CADM2: variants seen among roughly 807,000 people sequenced by gnomAD.
The protein encoded by CADM2 is cell adhesion molecule 2.
CADM2 carries 12 observed loss-of-function variants against 49.8 expected under a neutral mutation model. The ratio of observed to expected loss-of-function variants is 0.24; its 90% CI spans 0.15 to 0.39. The LOEUF is 0.39. Among genes scored for constraint, CADM2 ranks in the 10% least tolerant of loss-of-function variants. The pLI, the probability that CADM2 is intolerant of heterozygous loss-of-function variation, is 1.00. For synonymous variants in CADM2, 214 were observed against 175.4 expected (o/e 1.22, Z -1.74); for missense variants, 378 against 492.3 (o/e 0.77, Z 2.20).
chr3:85,506,041 CAA>C (rs2040337122), intron 1 of CADM2, among the ~76,000 whole-genome samples: 1 of 152,136 alleles, frequency 6.6e-6, no homozygotes, highest in African/African-American at 2.4e-5. Flanking sequence ...AGGCAAAAGA[CAA>C]TTAAAACTTG....
intron 1 of CADM2, among the ~76,000 whole-genome samples, chr3:85,023,049 A>G (rs2034574602): frequency 6.6e-6 from 1 of 152,198 alleles, no homozygotes; most frequent in Non-Finnish European, 1.5e-5. Flanking sequence ...TCAATTGCTC[A>G]GAATAATTTA....
intron 2 of CADM2, among the ~76,000 whole-genome samples, chr3:85,799,476 A>G (rs1302704220): frequency 6.6e-6 from 1 of 152,114 alleles, no homozygotes; most frequent in Non-Finnish European, 1.5e-5. Context: ...TGTTTTTAGC[A>G]TGAAGGGGTG....
intron 1 of CADM2, among the ~76,000 whole-genome samples, chr3:85,319,178 C>G (rs1323745597): frequency 1.3e-5 from 2 of 152,150 alleles, no homozygotes; most frequent in Non-Finnish European, 2.9e-5. Context: ...ATTTATTTAG[C>G]ACCTAATTTT....
chr3:84,970,230 A>G (rs2031324493), intron 1 of CADM2, among the ~76,000 whole-genome samples: 1 of 150,970 alleles, frequency 6.6e-6, no homozygotes, highest in Non-Finnish European at 1.5e-5. Context: ...TTAGTTATTT[A>G]TACTTATGCA....
chr3:85,138,179 A>T (rs370578475), intron 1 of CADM2, among the ~76,000 whole-genome samples: 1 of 152,072 alleles, frequency 6.6e-6, no homozygotes, highest in South Asian at 2.1e-4. Context: ...CCTTTGTTGC[A>T]TTCTTTCCCC....
chr3:85,241,153 G>A (rs1016290702), intron 1 of CADM2, among the ~76,000 whole-genome samples: 4 of 151,378 alleles, frequency 2.6e-5, no homozygotes, highest in Non-Finnish European at 5.9e-5. Flanking sequence ...ACCTACTCCC[G>A]AGATTGACAG....
intron 1 of CADM2, among the ~76,000 whole-genome samples, chr3:85,222,531 A>G (rs758748425): frequency 6.6e-6 from 1 of 152,102 alleles, no homozygotes; most frequent in East Asian, 1.9e-4. Context: ...GTCTCCTTCT[A>G]TTGGCTTTCA....
intron 1 of CADM2, among the ~76,000 whole-genome samples, chr3:85,355,293 C>T (rs1353595752): frequency 6.6e-6 from 1 of 152,058 alleles, no homozygotes; most frequent in Admixed American, 6.6e-5. Flanking sequence ...CTTCTCCTTA[C>T]TCCTTCGGAA....
intron 1 of CADM2, among the ~76,000 whole-genome samples, chr3:85,163,359 T>C (rs1193859294): frequency 6.6e-6 from 1 of 152,026 alleles, no homozygotes; most frequent in East Asian, 1.9e-4. Context: ...GGGCAGGCGA[T>C]AAAAAGCTTC....
chr3:85,447,012 A>C, intron 1 of CADM2, among the ~76,000 whole-genome samples: 1 of 141,362 alleles, frequency 7.1e-6, no homozygotes, highest in Non-Finnish European at 1.5e-5. Context: ...ATATATATAT[A>C]TATATATATA....
At chr3:85,990,100 A>C (rs1577880073) in intron 8 of CADM2, among the ~76,000 whole-genome samples, 1 of 150,692 alleles carries the variant, frequency 6.6e-6, no homozygotes, top group Admixed American at 6.7e-5. Context: ...AAAAACACTT[A>C]ACAATTCACT....
intron 1 of CADM2, among the ~76,000 whole-genome samples, chr3:85,417,722 A>G (rs1173904867): frequency 6.6e-6 from 1 of 152,156 alleles, no homozygotes; most frequent in Non-Finnish European, 1.5e-5. Context: ...AGATTCTTCA[A>G]TCAAAAGTCA....
At chr3:85,762,908 T>G (rs1403828435) in intron 2 of CADM2, among the ~76,000 whole-genome samples, 2 of 151,892 alleles carry the variant, frequency 1.3e-5, no homozygotes, top group East Asian at 3.9e-4. Context: ...TTTATTCACT[T>G]TAACTGTATA....
intron 1 of CADM2, among the ~76,000 whole-genome samples, chr3:85,190,864 T>A (rs1312863165): frequency 6.6e-6 from 1 of 152,118 alleles, no homozygotes; most frequent in Non-Finnish European, 1.5e-5. Context: ...ATAAATGCAA[T>A]GAGATTGGTA....
intron 1 of CADM2, among the ~76,000 whole-genome samples, chr3:85,163,180 A>G (rs761817780): frequency 6.6e-6 from 1 of 152,014 alleles, no homozygotes; most frequent in Non-Finnish European, 1.5e-5. Context: ...ACAATAATAC[A>G]TGTTTGCATT....
At chr3:85,344,145 G>T (rs1369198869) in intron 1 of CADM2, among the ~76,000 whole-genome samples, 6 of 152,020 alleles carry the variant, frequency 3.9e-5, no homozygotes, top group African/African-American at 1.2e-4. Flanking sequence ...GGGGGCCGAG[G>T]CGGGCAGATC....
chr3:85,293,770 G>A (rs1433728215), intron 1 of CADM2, among the ~76,000 whole-genome samples: 3 of 148,572 alleles, frequency 2.0e-5, no homozygotes, highest in African/African-American at 5.0e-5. Context: ...AATAAATTAG[G>A]TATTGATGGG....
At chr3:85,088,675 T>C (rs909041071) in intron 1 of CADM2, among the ~76,000 whole-genome samples, 4 of 152,266 alleles carry the variant, frequency 2.6e-5, no homozygotes, top group Non-Finnish European at 4.4e-5. Context: ...AAGGTTCACA[T>C]TGTCATAATC....
At chr3:85,158,807 A>T (rs1334634960) in intron 1 of CADM2, among the ~76,000 whole-genome samples, 2 of 152,094 alleles carry the variant, frequency 1.3e-5, no homozygotes, top group Admixed American at 1.3e-4. Flanking sequence ...TAACTTGCAC[A>T]TTGTGCACAT....
Sources: gnomAD v4.1 joint callset for allele counts (sites outside exome capture counted in the v4.1 genomes callset) on GRCh38, gnomAD v4.1.1 for gene constraint, MANE v1.5 for transcripts, NCBI Gene and HGNC (gene_info 2026-07-23, HGNC 2026-07-21) for gene names.